CSMD1: variants seen among roughly 807,000 people sequenced by gnomAD.
The protein encoded by CSMD1 is CUB and Sushi multiple domains 1.
A neutral mutation model predicts 417.5 loss-of-function variants in CSMD1; 213 were observed. The observed-to-expected ratio is 0.51, with a 90% CI of 0.46 to 0.57. The LOEUF is 0.57. CSMD1 is among the 20% of genes least tolerant of loss of function. The probability of loss-of-function intolerance (pLI) is 0.00; values close to 1 mark genes in which losing one functional copy is unlikely to be tolerated. For missense variants in CSMD1, 6,923 were observed against 4,529.7 expected, an observed-to-expected ratio of 1.53 and a Z score of -15.17; for synonymous variants, 2,862 against 1,736.8, an observed-to-expected ratio of 1.65 and a Z score of -16.11.
chr8:3,258,289 T>C (rs1800806131), intron 26 of CSMD1, among the ~76,000 whole-genome samples: 1 of 152,116 alleles, frequency 6.6e-6, no homozygotes, highest in South Asian at 2.1e-4. Flanking sequence ...ACAAAGGACA[T>C]GAACAGACAC....
intron 1 of CSMD1, among the ~76,000 whole-genome samples, chr8:4,687,485 T>C (rs1198440832): frequency 2.0e-5 from 3 of 152,126 alleles, no homozygotes; most frequent in Admixed American, 6.5e-5. Flanking sequence ...TAGAAGCAAA[T>C]TGTAGAAGAG....
chr8:3,744,914 G>A (rs1448752557), intron 6 of CSMD1, among the ~76,000 whole-genome samples: 3 of 152,166 alleles, frequency 2.0e-5, no homozygotes, highest in Non-Finnish European at 4.4e-5. Flanking sequence ...AGTTGAGTGG[G>A]CCTGAAGCAG....
intron 3 of CSMD1, among the ~76,000 whole-genome samples, chr8:4,125,652 T>C (rs1173400283): frequency 6.6e-6 from 1 of 152,188 alleles, no homozygotes; most frequent in Non-Finnish European, 1.5e-5. Flanking sequence ...ACCAACTCTA[T>C]GTTGCTTCTA....
chr8:3,582,381 T>C (rs555599684), intron 9 of CSMD1, among the ~76,000 whole-genome samples: 1 of 152,296 alleles, frequency 6.6e-6, no homozygotes, highest in East Asian at 1.9e-4. Flanking sequence ...AATGGTGACA[T>C]ACTCAGGGTT....
rs145749209 is a variant in CSMD1 at position 4,453,404 on chromosome 8, G to A, written c.303-33339C>T. Among the ~76,000 whole-genome samples the A allele has an allele frequency of 1.7e-4, 26 of 152,324 alleles. No individual in the cohort carries two copies. The East Asian group carries it at 3.5e-3, about 20-fold the overall frequency. On this transcript the variant is annotated intron_variant, in intron 2 of 69. Transcript: ENST00000635120. ...ACAGAACTTGGTGCTGAAGTCAGGA[G>A]ATTCCCAGAAGACACTGGACAGTTA...
chr8:4,017,409 G>A (rs1274503857), intron 4 of CSMD1, among the ~76,000 whole-genome samples: 5 of 152,026 alleles, frequency 3.3e-5, no homozygotes, highest in African/African-American at 4.8e-5. Flanking sequence ...GGGTTCAATC[G>A]ATTCTCCTGC....
At chr8:4,035,064 G>A (rs1008236872) in intron 3 of CSMD1, among the ~76,000 whole-genome samples, 1 of 152,122 alleles carries the variant, frequency 6.6e-6, no homozygotes, top group Non-Finnish European at 1.5e-5. Flanking sequence ...TTATCGTGCA[G>A]AAAGATCAAC....
At chr8:4,331,188 T>A (rs954368149) in intron 3 of CSMD1, among the ~76,000 whole-genome samples, 1 of 152,276 alleles carries the variant, frequency 6.6e-6, no homozygotes, top group Non-Finnish European at 1.5e-5. Flanking sequence ...CCAGAAAATC[T>A]TCCTCAAATA....
At position 4,452,188 on chromosome 8, in the gene CSMD1, G is replaced by A. The variant is rs370444107; in HGVS notation, c.303-32123C>T. Among the ~76,000 whole-genome samples the A allele has an allele frequency of 4.3e-4, 66 of 152,084 alleles. 4 individuals carry two copies. In the South Asian group the frequency reaches 0.012, roughly 27 times the overall value. On this transcript the variant is annotated intron_variant, in intron 2 of 69. Coordinates refer to ENST00000635120, the MANE Select transcript of CSMD1 (RefSeq NM_033225.6). ...TGCCTCTTCCTTCTCTTCGCTTAGTGCACGTTTCTGCTTTTTATCAGTTTG... is the reference window on the plus strand; with the variant it reads ...TGCCTCTTCCTTCTCTTCGCTTAGTACACGTTTCTGCTTTTTATCAGTTTG...
chr8:4,431,445 C>G (rs1027228016), intron 2 of CSMD1, among the ~76,000 whole-genome samples: 1 of 152,062 alleles, frequency 6.6e-6, no homozygotes, highest in African/African-American at 2.4e-5. Context: ...AGCGAGTGAG[C>G]ACACAGTCAG....
chr8:3,139,027 G>A (rs1433522395), intron 41 of CSMD1, among the ~76,000 whole-genome samples: 1 of 152,172 alleles, frequency 6.6e-6, no homozygotes, highest in African/African-American at 2.4e-5. Flanking sequence ...GGAGGCAGCC[G>A]CAGATTCCAG....
intron 3 of CSMD1, among the ~76,000 whole-genome samples, chr8:4,069,578 TG>T (rs1411618791): frequency 3.3e-5 from 5 of 152,294 alleles, no homozygotes; most frequent in South Asian, 4.1e-4. Flanking sequence ...TCCATGCAGA[TG>T]TATCTTGGGC....
intron 3 of CSMD1, among the ~76,000 whole-genome samples, chr8:4,194,713 T>G (rs1161615404): frequency 6.6e-6 from 1 of 152,130 alleles, no homozygotes; most frequent in Non-Finnish European, 1.5e-5. Context: ...GCCAAAGTTC[T>G]TCAAATTATG....
At chr8:3,079,734 C>T (rs1433468191) in intron 49 of CSMD1, among the ~76,000 whole-genome samples, 1 of 152,132 alleles carries the variant, frequency 6.6e-6, no homozygotes, top group Non-Finnish European at 1.5e-5. Context: ...GGGGTGAATG[C>T]AGGGTATAAT....
intron 6 of CSMD1, among the ~76,000 whole-genome samples, chr8:3,753,369 G>C (rs991965972): frequency 2.6e-5 from 4 of 152,102 alleles, no homozygotes; most frequent in South Asian, 2.1e-4. Flanking sequence ...ATAAACCTTA[G>C]AAACCAGAGA....
rs2117294685 is a variant in CSMD1, at chr8:4,953,464, T to C, written c.85+40868A>G. ...ATCACTTCAAATACTAAATAATTGC[T>C]TTATAAGGAGCATTTCTGGATGAAC... On this transcript the variant is annotated intron_variant, in intron 1 of 69. Coordinates refer to ENST00000635120, the MANE Select transcript of CSMD1 (RefSeq NM_033225.6). 1.3e-5 allele frequency among the ~76,000 whole-genome samples: 2 copies of C among 152,298 alleles called. 1 individual carries two copies. Among genetic ancestry groups the C allele is most frequent in the South Asian group, 4.1e-4 (2 of 4,828 alleles).
intron 7 of CSMD1, among the ~76,000 whole-genome samples, chr8:3,647,443 A>C (rs1051236491): frequency 6.6e-6 from 1 of 152,242 alleles, no homozygotes; most frequent in African/African-American, 2.4e-5. Context: ...AATACAGTAC[A>C]TAGAGAAATA....
At chr8:4,095,998 C>G (rs1168563682) in intron 3 of CSMD1, among the ~76,000 whole-genome samples, 3 of 152,072 alleles carry the variant, frequency 2.0e-5, no homozygotes, top group African/African-American at 4.8e-5. Flanking sequence ...CCAGAGTTGT[C>G]AGAAACATAG....
At chr8:4,767,674 C>A (rs1268287151) in intron 1 of CSMD1, among the ~76,000 whole-genome samples, 2 of 152,092 alleles carry the variant, frequency 1.3e-5, no homozygotes, top group South Asian at 4.1e-4. Context: ...CCCACAGTCA[C>A]CTTTTTATGA....
Sources: allele counts gnomAD v4.1 joint callset (sites outside exome capture counted in the v4.1 genomes callset), GRCh38; gene constraint gnomAD v4.1.1; transcripts MANE v1.5; gene names NCBI Gene and HGNC (gene_info 2026-07-23, HGNC 2026-07-21).